The following PRRC2A variants were observed in gnomAD, a reference collection of about 807,000 sequenced individuals.
The protein encoded by PRRC2A is protein PRRC2A.
Under a neutral mutation model 224.6 loss-of-function variants are expected in PRRC2A, and 59 were observed. The observed-to-expected ratio is 0.26, with a 90% CI of 0.21 to 0.33. The LOEUF (loss-of-function observed/expected upper bound fraction) is 0.33. PRRC2A is among the 10% of genes least tolerant of loss of function. The pLI is 1.00. For missense variants in PRRC2A, 3,095 were observed against 2,880.7 expected (o/e 1.07, Z -1.70); for synonymous variants, 1,194 against 1,109.5 (o/e 1.08, Z -1.51).
At chr6:31,629,401 A>G (rs1561812751) in intron 13 of PRRC2A, 67 bp downstream of exon 13, 1 of 1,512,670 alleles carries the variant, frequency 6.6e-7, no homozygotes, top group Non-Finnish European at 8.9e-7. Flanking sequence ...AATTCTCTTC[A>G]TAAGTTACCT....
chr6:31,629,570 AGCAGCACCAGTG>A lies in PRRC2A; in HGVS notation c.1986_1997del (p.His662_Gln665del). ...TAGGAGCAGCTCCTGAAGCAGCAGC[AGCAGCACCAGTG>A]GCAGCAGCATCAACAGGGCTCTGCC... On this transcript the variant is annotated inframe_deletion, in exon 14 of 31. Coordinates refer to ENST00000376033, the MANE Select transcript of PRRC2A (RefSeq NM_004638.4). 6.3e-7 allele frequency: 1 copy of A among 1,586,884 alleles called. No homozygotes were observed. The highest frequency in any genetic ancestry group is 1.1e-5 in the South Asian group (1 of 90,584).
At position 31,636,140 on chromosome 6, in the gene PRRC2A, C is replaced by T; in HGVS notation, c.5625-69C>T. The T allele has an allele frequency of 6.4e-7, 1 of 1,551,636 alleles. No individual in the cohort carries two copies. Among genetic ancestry groups the T allele is most frequent in the East Asian group, 2.2e-5 (1 of 44,496 alleles). ...AGACACAGTTCTAGGGTACTAGAAG[C>T]TAGTGGACTTAAGGCATTGCTAGGA... On this transcript the variant is annotated intron_variant, in intron 25 of 30. Coordinates refer to ENST00000376033, the MANE Select transcript of PRRC2A (RefSeq NM_004638.4). The surrounding 1 kb of genome is among the most constrained non-coding windows in gnomAD (Gnocchi z 4.3).
At position 31,633,506 on chromosome 6, in the gene PRRC2A, C is replaced by T; in HGVS notation, c.4447C>T (p.Leu1483Phe). 2 of 1,613,110 alleles carry T rather than the reference C, an allele frequency of 1.2e-6. No homozygotes were observed. The highest frequency in any genetic ancestry group is 1.7e-6 in the Non-Finnish European group (2 of 1,180,032). Residue 1483 changes from leucine to phenylalanine, a missense_variant, in exon 17 of 31, where the codon CTT becomes TTT. Physicochemically the swap from Leu to Phe is conservative, Grantham distance 22. Coordinates refer to ENST00000376033, the MANE Select transcript of PRRC2A (RefSeq NM_004638.4). Reference sequence around the variant, plus strand: ...TGGCATCCAACAGGCTCTGGCCCAGCTTAGTAGCCGTCAAGGGAGTGTAAC... The same window carrying T: ...TGGCATCCAACAGGCTCTGGCCCAGTTTAGTAGCCGTCAAGGGAGTGTAAC... ...PAGIQQALAQ[L>F]SSRQGSVTAP...
rs565032981 is a variant in PRRC2A, at chr6:31,634,381, T to C, written c.4849+16T>C. The C allele has an allele frequency of 1.2e-6, 2 of 1,612,162 alleles. No individual in the cohort carries two copies. The highest frequency in any genetic ancestry group is 1.7e-6 in the Non-Finnish European group (2 of 1,179,664). On this transcript the variant is annotated intron_variant, in intron 19 of 30. Transcript: ENST00000376033. ...TTACATACTGGTGAGTAAAGCTGAG[T>C]GAAAGGACTATGGTAGAAGGGTTAA...
intron 12 of PRRC2A, 75 bp downstream of exon 12, chr6:31,628,314 G>T: frequency 1.3e-6 from 2 of 1,500,956 alleles, no homozygotes; most frequent in Non-Finnish European, 1.8e-6. Flanking sequence ...GGGTGGTAAG[G>T]CTGGGGATAA....
rs374489184 is a variant in PRRC2A, at chr6:31,632,195, A to T, written c.3522A>T (p.Gly1174=). 378 of 1,604,278 alleles carry T rather than the reference A, an allele frequency of 2.4e-4. 1 individual carries two copies. Among genetic ancestry groups the T allele is most frequent in the Non-Finnish European group, 3.0e-4 (351 of 1,176,250 alleles). Reference sequence around the variant, plus strand: ...TGCCATCTCGCCGGGGCCGAGGAGGAGGGAGGCCCCCTCCTCAAGTTTGCC... The same window carrying T: ...TGCCATCTCGCCGGGGCCGAGGAGGTGGGAGGCCCCCTCCTCAAGTTTGCC... ...RGVPSRRGRG[G]GRPPPQVCPG... is the part of the protein sequence containing the mutation. Residue 1174 remains glycine (G), a synonymous_variant, in exon 16 of 31, where the codon GGA becomes GGT. Coordinates refer to ENST00000376033, the MANE Select transcript of PRRC2A (RefSeq NM_004638.4).
Position 31,636,784 on chromosome 6 carries a change from C to G in PRRC2A, c.5986C>G (p.Leu1996Val). ...GCTGCCTGTGGTGAACTTTGGCTCC[C>G]TGCCGCCAGCACCACCTCCTGCCCC... ...SQLPVVNFGSLPPAPPPAPPP... is the reference protein window; with the variant it reads ...SQLPVVNFGSVPPAPPPAPPP... The change falls in exon 28 of 31, where the codon CTG becomes GTG. Residue 1996 changes from leucine to valine, a missense_variant. By Grantham distance (32) the Leu-to-Val change is conservative. Transcript: ENST00000376033. This position sits in a 1 kb window ranked among gnomAD's most constrained non-coding sequence, Gnocchi z 4.3. 1 of 1,607,672 alleles carries G rather than the reference C, an allele frequency of 6.2e-7. No individual in the cohort carries two copies. The highest frequency in any genetic ancestry group is 8.5e-7 in the Non-Finnish European group (1 of 1,179,988).
chr6:31,621,525 A>C (rs1583171716), intron 1 of PRRC2A, among the ~76,000 whole-genome samples: 2 of 143,228 alleles, frequency 1.4e-5, no homozygotes, highest in African/African-American at 5.2e-5. Flanking sequence ...TATATTTTCC[A>C]CCTGCTTTCG....
intron 14 of PRRC2A, 84 bp from the exon 15 acceptor site, chr6:31,630,507 C>T: frequency 7.0e-7 from 1 of 1,428,732 alleles, no homozygotes; most frequent in Non-Finnish European, 9.7e-7. Context: ...GAAGAGCTGA[C>T]TTGACCGCGA....
chr6:31,633,941 C>T lies in PRRC2A; in HGVS notation c.4671C>T (p.Pro1557=), dbSNP rs1262172093. The change falls in exon 18 of 31, where the codon CCC becomes CCT. Residue 1557 remains proline (P), a synonymous_variant. Coordinates refer to ENST00000376033, the MANE Select transcript of PRRC2A (RefSeq NM_004638.4). Reference sequence around the variant, plus strand: ...ACTCTGCCGGGGTTAGTCCCTTTCCCCCTAAACGTCGGGAGCGGCCTCCCA... The same window carrying T: ...ACTCTGCCGGGGTTAGTCCCTTTCCTCCTAAACGTCGGGAGCGGCCTCCCA... ...PRDSAGVSPF[P]PKRRERPPRK... 1.3e-6 allele frequency: 2 copies of T among 1,598,094 alleles called. No individual in the cohort carries two copies. Among genetic ancestry groups the T allele is most frequent in the African/African-American group, 1.4e-5 (1 of 73,680 alleles).
At position 31,636,934 on chromosome 6, in the gene PRRC2A, G is replaced by A; in HGVS notation, c.6136G>A (p.Gly2046Arg). ...TGCCAGGCCCTTCCCCGCTAGCTTG[G>A]GGCGAGCAGAGGTAAGGTACAGGAA... The part of the protein sequence containing the change: ...SPARPFPASL[G>R]RAELHPVELK... The change falls in exon 28 of 31, where the codon GGG becomes AGG. Residue 2046 changes from glycine (G) to arginine (R), a missense_variant. By Grantham distance (125) the Gly-to-Arg change is moderately radical. Transcript: ENST00000376033. This position sits in a 1 kb window ranked among gnomAD's most constrained non-coding sequence, Gnocchi z 4.3. 1 of 1,612,870 alleles carries A rather than the reference G, an allele frequency of 6.2e-7. No homozygotes were observed.
rs1289728261 is a variant in PRRC2A at position 31,636,641 on chromosome 6, G to T, written c.5934+33G>T. 1 of 1,589,026 alleles carries T rather than the reference G, an allele frequency of 6.3e-7. No homozygotes were observed. The highest frequency in any genetic ancestry group is 1.1e-5 in the South Asian group (1 of 88,624). The stretch of plus-strand genomic sequence containing the variant: ...GTATCTTCACACTTCCCCTTCATTT[G>T]ATTTCTCTGTCCAGTTGCTGGCTTT... On this transcript the variant is annotated intron_variant, in intron 27 of 30. Transcript: ENST00000376033. The surrounding 1 kb of genome is among the most constrained non-coding windows in gnomAD (Gnocchi z 4.3).
rs1411629648 is a variant in PRRC2A at position 31,630,897 on chromosome 6, C to G, written c.2465+96C>G. 3.4e-6 allele frequency: 5 copies of G among 1,458,604 alleles called. No individual in the cohort carries two copies. In the African/African-American group the frequency reaches 5.6e-5, roughly 16 times the overall value. 90.4% of individuals were successfully genotyped at this position (1,458,604 alleles called of 1,614,324 possible). On this transcript the variant is annotated intron_variant, in intron 15 of 30. Coordinates refer to ENST00000376033, the MANE Select transcript of PRRC2A (RefSeq NM_004638.4). ...GGTTAGTGGTAGGGATAGGGATGAA[C>G]GGGAAAGGAGAGGCTGGATGGAGTG...
Position 31,637,524 on chromosome 6 carries a change from C to T in PRRC2A, c.6412C>T (p.Arg2138Ter), listed in dbSNP as rs771864743. The part of the protein sequence containing the change: ...TGPPPREGPS[R>*]RAEEPGSRGD... ...GCCGCCACCTCGAGAAGGGCCCTCC[C>T]GACGGGCAGAGGAGCCTGGGTCCCG... Residue 2138 changes from arginine (R) to a stop codon, truncating the protein, a stop_gained, in exon 31 of 31, where the codon CGA becomes TGA. Coordinates refer to ENST00000376033, the MANE Select transcript of PRRC2A (RefSeq NM_004638.4). LOFTEE classifies it high-confidence loss of function. The T allele has an allele frequency of 7.6e-6, 12 of 1,585,964 alleles. No homozygotes were observed. Among genetic ancestry groups the T allele is most frequent in the Admixed American group, 1.8e-5 (1 of 55,312 alleles).
chr6:31,623,283 T>A, intron 2 of PRRC2A: 1 of 393,942 alleles, frequency 2.5e-6, no homozygotes, highest in South Asian at 2.0e-5. Flanking sequence ...TTTTTTTTTT[T>A]TGAGACCAAG....
rs1776734838 is a variant in PRRC2A, at chr6:31,632,384, G to A, written c.3711G>A (p.Gly1237=). ...NGGSNVGMED[G]ERPRRRRHGR... is the part of the protein sequence containing the mutation. Reference sequence around the variant, plus strand: ...GTAGCAATGTGGGCATGGAAGATGGGGAGCGACCCCGAAGGAGGCGACATG... The same window carrying A: ...GTAGCAATGTGGGCATGGAAGATGGAGAGCGACCCCGAAGGAGGCGACATG... Residue 1237 remains glycine (G), a synonymous_variant, in exon 16 of 31, where the codon GGG becomes GGA. Coordinates refer to ENST00000376033, the MANE Select transcript of PRRC2A (RefSeq NM_004638.4). 1 of 1,611,800 alleles carries A rather than the reference G, an allele frequency of 6.2e-7. No homozygotes were observed. Among genetic ancestry groups the A allele is most frequent in the African/African-American group, 1.3e-5 (1 of 74,888 alleles).
chr6:31,629,337 G>A lies in PRRC2A; in HGVS notation c.1956+3G>A. ...CTCGTTTCCAGCGGCAGCAGCAGGT[G>A]AAATCAAGTTGTTTACCCTCTAAGG... On this transcript the variant is annotated splice_donor_region_variant and intron_variant, in intron 13 of 30. Transcript: ENST00000376033. 1.9e-6 allele frequency: 3 copies of A among 1,556,716 alleles called. No homozygotes were observed. Among genetic ancestry groups the A allele is most frequent in the South Asian group, 2.4e-5 (2 of 82,078 alleles).
intron 1 of PRRC2A, among the ~76,000 whole-genome samples, chr6:31,621,142 C>G (rs996690100): frequency 6.6e-6 from 1 of 152,216 alleles, no homozygotes; most frequent in Non-Finnish European, 1.5e-5. Flanking sequence ...TCCGTAACTC[C>G]CTACCCTCCG....
rs755494478 is a variant in PRRC2A, at chr6:31,637,338, C to A, written c.6333+14C>A. ...CTTTACCAGCAGGTGAAGGAGAAAC[C>A]CTTGTGGCCCCAACTCTAAATTCGA... On this transcript the variant is annotated intron_variant, in intron 30 of 30. Coordinates refer to ENST00000376033, the MANE Select transcript of PRRC2A (RefSeq NM_004638.4). 6.2e-7 allele frequency: 1 copy of A among 1,605,808 alleles called. No individual in the cohort carries two copies. Among genetic ancestry groups the A allele is most frequent in the Non-Finnish European group, 8.5e-7 (1 of 1,173,570 alleles).
Sources: allele counts gnomAD v4.1 joint callset (sites outside exome capture counted in the v4.1 genomes callset), GRCh38; gene constraint gnomAD v4.1.1; non-coding constraint Gnocchi (gnomAD v3.1); transcripts MANE v1.5; gene names NCBI Gene and HGNC (gene_info 2026-07-23, HGNC 2026-07-21).